The following GRM7 variants were observed in gnomAD, a reference collection of about 807,000 sequenced individuals.
GRM7 encodes the protein glutamate metabotropic receptor 7.
Under a neutral mutation model 84.5 loss-of-function variants are expected in GRM7, and 35 were observed. The ratio of observed to expected loss-of-function variants is 0.41; its 90% confidence interval spans 0.32 to 0.55. The LOEUF is 0.55. Among genes scored for constraint, GRM7 ranks in the 20% least tolerant of loss-of-function variants. GRM7 has a pLI of 0.19. For synonymous variants in GRM7, 487 were observed against 455.1 expected, an observed-to-expected ratio of 1.07 and a Z score of -0.89; for missense variants, 1,003 against 1,194.6, an observed-to-expected ratio of 0.84 and a Z score of 2.36.
At chr3:7,504,222 G>A (rs1463377102) in intron 7 of GRM7, among the ~76,000 whole-genome samples, 1 of 152,134 alleles carries the variant, frequency 6.6e-6, no homozygotes, top group Non-Finnish European at 1.5e-5. Context: ...ACGAGAATAA[G>A]GAGAGACCAG....
intron 4 of GRM7, among the ~76,000 whole-genome samples, chr3:7,414,240 A>G (rs551712531): frequency 2.0e-5 from 3 of 152,242 alleles, no homozygotes; most frequent in Admixed American, 6.5e-5. Flanking sequence ...ACTCAACTTT[A>G]TAAGTTTCCA....
At chr3:7,153,400 C>G (rs1166945089) in intron 2 of GRM7, among the ~76,000 whole-genome samples, 1 of 152,048 alleles carries the variant, frequency 6.6e-6, no homozygotes, top group South Asian at 2.1e-4. Flanking sequence ...TCATTGTAAT[C>G]ATCTGCCTAG....
At chr3:7,029,828 AAC>A (rs1431067180) in intron 1 of GRM7, among the ~76,000 whole-genome samples, 1 of 152,232 alleles carries the variant, frequency 6.6e-6, no homozygotes, top group Non-Finnish European at 1.5e-5. Flanking sequence ...AATACCACTG[AAC>A]TATACTCTTA....
intron 8 of GRM7, among the ~76,000 whole-genome samples, chr3:7,673,882 G>A (rs577606171): frequency 7.2e-5 from 11 of 152,126 alleles, no homozygotes; most frequent in African/African-American, 2.7e-4. Flanking sequence ...CTTCCTAATA[G>A]ATCAATTTCT....
chr3:7,735,638 T>C (rs1269304262), intron 9 of GRM7, among the ~76,000 whole-genome samples: 2 of 152,114 alleles, frequency 1.3e-5, no homozygotes, highest in African/African-American at 2.4e-5. Context: ...GTCAAGCTCC[T>C]CCTCAAAAAA....
chr3:7,699,448 G>A (rs1232836618), intron 9 of GRM7, among the ~76,000 whole-genome samples: 1 of 152,148 alleles, frequency 6.6e-6, no homozygotes, highest in African/African-American at 2.4e-5. Context: ...GAAAGGAAAA[G>A]CCTATGTACT....
At chr3:7,415,877 A>C (rs1183394567) in intron 5 of GRM7, among the ~76,000 whole-genome samples, 2 of 152,146 alleles carry the variant, frequency 1.3e-5, no homozygotes, top group Non-Finnish European at 2.9e-5. Flanking sequence ...ACGAATTCAT[A>C]ATTACAAACT....
intron 1 of GRM7, among the ~76,000 whole-genome samples, chr3:7,106,360 G>A (rs1274433807): frequency 2.7e-5 from 4 of 150,804 alleles, no homozygotes; most frequent in African/African-American, 7.3e-5. Context: ...TATTTTCTGG[G>A]ATCATTCTGC....
rs1434127698 is a variant in GRM7 at position 7,093,714 on chromosome 3, AGG to A, written c.520-52737_520-52736del. Reference sequence around the variant, plus strand: ...AAAAAAAAAAAAAAAAAAAAAAAAAAGGTAGTTAGTGGCCTTTGCTCTTTTAC... The same window carrying A: ...AAAAAAAAAAAAAAAAAAAAAAAAAATAGTTAGTGGCCTTTGCTCTTTTAC... On this transcript the variant is annotated intron_variant, in intron 1 of 9. Coordinates refer to ENST00000357716, the MANE Select transcript of GRM7 (RefSeq NM_000844.4). Among the ~76,000 whole-genome samples, 54 of 61,026 alleles carry A rather than the reference AGG, an allele frequency of 8.8e-4. 6 individuals are homozygous for A. The highest frequency in any genetic ancestry group is 9.9e-4 in the Non-Finnish European group (29 of 29,366). The allele number at this position is 61,026 out of a possible 152,430, so 40.0% of individuals were successfully genotyped here. A position where few individuals can be genotyped will look rare whatever the true frequency, so the allele number is the denominator to read the frequency against.
chr3:7,359,111 CAAAAAA>C (rs35815945), intron 4 of GRM7, among the ~76,000 whole-genome samples: 2 of 83,078 alleles, frequency 2.4e-5, no homozygotes, highest in African/African-American at 4.7e-5. Context: ...GATTCCATCT[CAAAAAA>C]AAAAAAAAAA....
chr3:7,037,724 G>T (rs1224778176), intron 1 of GRM7, among the ~76,000 whole-genome samples: 2 of 152,114 alleles, frequency 1.3e-5, no homozygotes, highest in Non-Finnish European at 2.9e-5. Flanking sequence ...AATATATTTG[G>T]TACAAATATT....
intron 8 of GRM7, among the ~76,000 whole-genome samples, chr3:7,650,784 C>CT (rs1375965603): frequency 6.6e-6 from 1 of 152,318 alleles, no homozygotes; most frequent in East Asian, 1.9e-4. Context: ...GTGGCACAAT[C>CT]TCGGCTGACT....
chr3:7,232,228 T>G (rs1697216517), intron 2 of GRM7, among the ~76,000 whole-genome samples: 1 of 152,110 alleles, frequency 6.6e-6, no homozygotes, highest in Non-Finnish European at 1.5e-5. Context: ...CTTCCAACAT[T>G]TTTTTGCTCA....
chr3:7,382,953 C>T (rs1039337525), intron 4 of GRM7, among the ~76,000 whole-genome samples: 1 of 152,182 alleles, frequency 6.6e-6, no homozygotes, highest in Non-Finnish European at 1.5e-5. Flanking sequence ...TATCCACAGA[C>T]TGTGACTTCA....
At chr3:7,514,795 T>A (rs1449576134) in intron 7 of GRM7, among the ~76,000 whole-genome samples, 1 of 152,232 alleles carries the variant, frequency 6.6e-6, no homozygotes, top group African/African-American at 2.4e-5. Flanking sequence ...AGTGACGCAC[T>A]GTGGAGCTCA....
intron 1 of GRM7, among the ~76,000 whole-genome samples, chr3:7,045,987 A>AT (rs1696793012): frequency 6.6e-6 from 1 of 151,934 alleles, no homozygotes; most frequent in African/African-American, 2.4e-5. Context: ...ACCAATTTGC[A>AT]TTTTTATCTA....
chr3:7,570,545 A>T (rs1694600715), intron 7 of GRM7, among the ~76,000 whole-genome samples: 1 of 152,178 alleles, frequency 6.6e-6, no homozygotes. Flanking sequence ...GGTCATGCTG[A>T]TGCAAAAGGT....
chr3:7,165,650 T>A (rs762399261), intron 2 of GRM7, among the ~76,000 whole-genome samples: 2 of 152,232 alleles, frequency 1.3e-5, no homozygotes, highest in Non-Finnish European at 2.9e-5. Context: ...ATACTAGGAC[T>A]TAAATACTTA....
intron 2 of GRM7, among the ~76,000 whole-genome samples, chr3:7,242,057 C>G (rs1207906634): frequency 6.6e-6 from 1 of 152,180 alleles, no homozygotes; most frequent in Non-Finnish European, 1.5e-5. Context: ...TGAACAGTCA[C>G]TGTTAACCAC....
Sources: allele counts gnomAD v4.1 joint callset (sites outside exome capture counted in the v4.1 genomes callset), GRCh38; gene constraint gnomAD v4.1.1; transcripts MANE v1.5; gene names NCBI Gene and HGNC (gene_info 2026-07-23, HGNC 2026-07-21).